PRKG1: variants seen among roughly 807,000 people sequenced by gnomAD.
The protein encoded by PRKG1 is protein kinase cGMP-dependent 1.
A neutral mutation model predicts 88.1 loss-of-function variants in PRKG1; 35 were observed. The ratio of observed to expected loss-of-function variants is 0.40; its 90% CI spans 0.30 to 0.53. The LOEUF (loss-of-function observed/expected upper bound fraction) is 0.53. Among genes scored for constraint, PRKG1 ranks in the 20% least tolerant of loss-of-function variants. The pLI is 0.59. For missense variants in PRKG1, 540 were observed against 839.8 expected (o/e 0.64, Z 4.41); for synonymous variants, 303 against 292.5 (o/e 1.04, Z -0.37).
chr10:51,728,453 GTTTTTTTTTTTTTT>G (rs56975031), intron 3 of PRKG1, among the ~76,000 whole-genome samples: 3 of 58,806 alleles, frequency 5.1e-5, no homozygotes, highest in Non-Finnish European at 7.3e-5. Flanking sequence ...TTTTTTCTTT[GTTTTTTTTTTTTTT>G]TTTTTTTTTT....
At chr10:52,128,763 C>G (rs1052792647) in intron 7 of PRKG1, among the ~76,000 whole-genome samples, 4 of 152,096 alleles carry the variant, frequency 2.6e-5, no homozygotes, top group African/African-American at 4.8e-5. Context: ...TGCAGTAGTG[C>G]TTTTTAAAGT....
intron 1 of PRKG1, among the ~76,000 whole-genome samples, chr10:51,028,331 G>A (rs1843236024): frequency 6.6e-6 from 1 of 152,098 alleles, no homozygotes. Context: ...ACTTTAAATT[G>A]TTTTTTAATC....
At chr10:51,247,392 A>G (rs1839318756) in intron 2 of PRKG1, among the ~76,000 whole-genome samples, 2 of 152,058 alleles carry the variant, frequency 1.3e-5, no homozygotes, top group African/African-American at 2.4e-5. Flanking sequence ...AAAGGAGATT[A>G]AAGAATTACA....
intron 8 of PRKG1, among the ~76,000 whole-genome samples, chr10:52,148,086 C>G (rs1385757471): frequency 2.6e-5 from 4 of 152,148 alleles, no homozygotes; most frequent in Admixed American, 1.3e-4. Context: ...GAACTAAGTT[C>G]TAATAAAAAT....
intron 7 of PRKG1, among the ~76,000 whole-genome samples, chr10:52,085,974 A>G (rs1414080144): frequency 6.6e-6 from 1 of 152,150 alleles, no homozygotes; most frequent in Non-Finnish European, 1.5e-5. Context: ...GAGATTCTAC[A>G]GTCAAAGTAC....
At chr10:52,107,192 A>G (rs1847447235) in intron 7 of PRKG1, among the ~76,000 whole-genome samples, 1 of 152,190 alleles carries the variant, frequency 6.6e-6, no homozygotes, top group Non-Finnish European at 1.5e-5. Flanking sequence ...CAATAGAATG[A>G]CCAGAACAAG....
chr10:51,000,600 G>A (rs2132714273), intron 1 of PRKG1, among the ~76,000 whole-genome samples: 1 of 152,314 alleles, frequency 6.6e-6, no homozygotes, highest in African/African-American at 2.4e-5. Context: ...CACCAGGGAT[G>A]CTTCTATGTG....
intron 3 of PRKG1, among the ~76,000 whole-genome samples, chr10:51,608,274 G>A (rs1465275568): frequency 6.6e-6 from 1 of 152,186 alleles, no homozygotes; most frequent in Non-Finnish European, 1.5e-5. Flanking sequence ...TTGATTGTAA[G>A]GCTGCTGAAT....
At chr10:51,662,945 TGAAA>T (rs1228922698) in intron 3 of PRKG1, among the ~76,000 whole-genome samples, 2 of 152,118 alleles carry the variant, frequency 1.3e-5, no homozygotes, top group African/African-American at 4.8e-5. Flanking sequence ...ATCTAGTTTG[TGAAA>T]GACTTAGTAG....
chr10:51,909,920 C>A (rs6480573), intron 5 of PRKG1: 1 of 152,134 alleles, frequency 6.6e-6, no homozygotes, highest in Non-Finnish European at 1.5e-5. Flanking sequence ...GGTTTGCACA[C>A]ATAAGCCCCT....
chr10:51,519,785 AT>A (rs1841690123), intron 3 of PRKG1, among the ~76,000 whole-genome samples: 1 of 151,988 alleles, frequency 6.6e-6, no homozygotes, highest in African/African-American at 2.4e-5. Context: ...CCTTTCTTTT[AT>A]TTTTTTCCTG....
intron 3 of PRKG1, among the ~76,000 whole-genome samples, chr10:51,637,125 C>A (rs961110455): frequency 2.6e-5 from 4 of 152,070 alleles, no homozygotes; most frequent in African/African-American, 9.7e-5. Flanking sequence ...TGAACAAACA[C>A]TTCTCAAAAG....
chr10:51,034,584 A>G (rs1462873631), intron 1 of PRKG1, among the ~76,000 whole-genome samples: 1 of 149,886 alleles, frequency 6.7e-6, no homozygotes, highest in East Asian at 1.9e-4. Flanking sequence ...TGCTGTATAC[A>G]CTAAATAGAG....
At chr10:51,785,173 T>A (rs981275755) in intron 3 of PRKG1, among the ~76,000 whole-genome samples, 4 of 151,752 alleles carry the variant, frequency 2.6e-5, no homozygotes, top group African/African-American at 9.7e-5. Context: ...TTTGTTCTCC[T>A]GCCTCTACCC....
At chr10:52,023,987 C>T (rs1315227299) in intron 5 of PRKG1, among the ~76,000 whole-genome samples, 2 of 152,122 alleles carry the variant, frequency 1.3e-5, no homozygotes, top group African/African-American at 4.8e-5. Flanking sequence ...AGTCTTTGCC[C>T]ATGCCTGTGT....
intron 2 of PRKG1, among the ~76,000 whole-genome samples, chr10:51,386,634 G>C (rs184210924): frequency 4.6e-5 from 7 of 152,242 alleles, no homozygotes; most frequent in Admixed American, 2.6e-4. Context: ...ACATTCAAGA[G>C]AGAAATCTGC....
chr10:51,579,660 A>C (rs1224643363), intron 3 of PRKG1, among the ~76,000 whole-genome samples: 1 of 152,128 alleles, frequency 6.6e-6, no homozygotes, highest in Non-Finnish European at 1.5e-5. Flanking sequence ...TCCTTTTCTG[A>C]TCTATTAACT....
chr10:51,634,268 G>C (rs1839599924), intron 3 of PRKG1, among the ~76,000 whole-genome samples: 1 of 152,134 alleles, frequency 6.6e-6, no homozygotes, highest in African/African-American at 2.4e-5. Flanking sequence ...TTTGCCAAGG[G>C]AGGAAAAAGT....
intron 7 of PRKG1, among the ~76,000 whole-genome samples, chr10:52,099,343 A>T (rs2132562842): frequency 6.6e-6 from 1 of 152,306 alleles, no homozygotes; most frequent in South Asian, 2.1e-4. Flanking sequence ...AGTTACGATG[A>T]GTCATTCTTT....
Sources: allele counts gnomAD v4.1 joint callset (sites outside exome capture counted in the v4.1 genomes callset), GRCh38; gene constraint gnomAD v4.1.1; transcripts MANE v1.5; gene names NCBI Gene and HGNC (gene_info 2026-07-23, HGNC 2026-07-21).